ACSBG2: variants seen among roughly 807,000 people sequenced by gnomAD.
ACSBG2 encodes the protein long-chain-fatty-acid--CoA ligase ACSBG2.
A neutral mutation model predicts 74.7 loss-of-function variants in ACSBG2; 62 were observed. The observed-to-expected ratio is 0.83, with a 90% CI of 0.68 to 1.03. ACSBG2 has a LOEUF of 1.03. Among genes scored for constraint, ACSBG2 ranks in the 50% least tolerant of loss-of-function variants. The pLI is 0.00. For missense variants in ACSBG2, 730 were observed against 817.6 expected, an observed-to-expected ratio of 0.89 and a Z score of 1.31; for synonymous variants, 309 against 294.1, an observed-to-expected ratio of 1.05 and a Z score of -0.52.
chr19:6,190,226 G>A, intron 13 of ACSBG2: 1 of 211,528 alleles, frequency 4.7e-6, no homozygotes, highest in Non-Finnish European at 9.8e-6. Context: ...GCACTTGCTG[G>A]CTGACCTCAG....
intron 9 of ACSBG2, 53 bp downstream of exon 9, chr19:6,182,985 T>C: frequency 6.2e-7 from 1 of 1,612,736 alleles, no homozygotes. Flanking sequence ...AGGCTCAGCC[T>C]TCTCCAGTGG....
intron 2 of ACSBG2, 32 bp downstream of exon 2, chr19:6,141,642 G>A: frequency 7.4e-7 from 1 of 1,348,460 alleles, no homozygotes; most frequent in Non-Finnish European, 1.1e-6. Context: ...GTGGGAGAGA[G>A]AGTGGCACAT....
intron 6 of ACSBG2, among the ~76,000 whole-genome samples, chr19:6,162,697 ACCT>A (rs2089667303): frequency 6.6e-6 from 1 of 151,986 alleles, no homozygotes; most frequent in Non-Finnish European, 1.5e-5. Flanking sequence ...GGGTTTCTCA[ACCT>A]CCTTGCTGTT....
At chr19:6,136,887 A>G (rs2088591913) in intron 1 of ACSBG2, among the ~76,000 whole-genome samples, 1 of 151,844 alleles carries the variant, frequency 6.6e-6, no homozygotes, top group South Asian at 2.1e-4. Flanking sequence ...GAGCCTCCGC[A>G]CCCGGCCGAT....
At chr19:6,151,148 G>T (rs1600032331) in intron 3 of ACSBG2, among the ~76,000 whole-genome samples, 2 of 150,888 alleles carry the variant, frequency 1.3e-5, no homozygotes, top group East Asian at 1.9e-4. Flanking sequence ...TAAAATCCAT[G>T]TTATAGATAT....
chr19:6,164,945 T>C (rs2089748008), intron 6 of ACSBG2, among the ~76,000 whole-genome samples: 1 of 152,252 alleles, frequency 6.6e-6, no homozygotes, highest in Non-Finnish European at 1.5e-5. Context: ...TTAAGTAATC[T>C]GCCTTGGGCA....
intron 4 of ACSBG2, 78 bp downstream of exon 4, chr19:6,151,873 G>A: frequency 1.5e-6 from 2 of 1,374,264 alleles, no homozygotes; most frequent in Non-Finnish European, 2.0e-6. Context: ...CTTGTCCAGT[G>A]TGAGATGCAA....
At chr19:6,150,789 G>A (rs933687469) in intron 3 of ACSBG2, among the ~76,000 whole-genome samples, 6 of 152,074 alleles carry the variant, frequency 3.9e-5, no homozygotes, top group Admixed American at 3.3e-4. Context: ...ACAACCATGT[G>A]GATGTGTTTA....
intron 8 of ACSBG2, 114 bp from the exon 9 acceptor site, chr19:6,182,637 A>G (rs1390799801): frequency 9.7e-7 from 1 of 1,029,790 alleles, no homozygotes; most frequent in Non-Finnish European, 1.4e-6. Context: ...AGTCCTGCGT[A>G]ATCTGATCAG....
intron 1 of ACSBG2, chr19:6,137,400 G>A (rs2088622147): frequency 6.6e-6 from 1 of 152,516 alleles, no homozygotes. Flanking sequence ...AAGGCCCCAA[G>A]GAAGGACTGC....
At chr19:6,156,620 T>C in intron 5 of ACSBG2, 69 bp downstream of exon 5, 3 of 1,412,880 alleles carry the variant, frequency 2.1e-6, no homozygotes, top group Non-Finnish European at 2.8e-6. Flanking sequence ...GCAGGTGTTC[T>C]TTTTTTCCCA....
At chr19:6,177,427 C>A in intron 8 of ACSBG2, 31 bp downstream of exon 8, 4 of 1,543,594 alleles carry the variant, frequency 2.6e-6, no homozygotes, top group Non-Finnish European at 3.5e-6. Context: ...GGGGCTCCGA[C>A]TTCATCCTCT....
At chr19:6,161,767 C>T (rs2089630654) in intron 6 of ACSBG2, among the ~76,000 whole-genome samples, 1 of 151,976 alleles carries the variant, frequency 6.6e-6, no homozygotes, top group African/African-American at 2.4e-5. Flanking sequence ...TAGGCGGGAC[C>T]TTTGGGACGC....
intron 14 of ACSBG2, chr19:6,191,377 G>A (rs765221538): frequency 6.6e-6 from 1 of 151,992 alleles, no homozygotes; most frequent in Admixed American, 6.6e-5. Flanking sequence ...GTTTTAGTTT[G>A]CTGGGGCTAC....
Position 6,141,564 on chromosome 19 carries a change from T to C in ACSBG2, c.21T>C (p.Thr7=). Residue 7 remains threonine (T), a synonymous_variant, in exon 2 of 15, where the codon ACT becomes ACC. Transcript: ENST00000588485. ...CTGGAATGACTGGAACCCCAAAGAC[T>C]CAAGAAGGAGCTAAAGATCTTGAAG... MTGTPK[T]QEGAKDLEVD... is the part of the protein sequence containing the mutation. 6.2e-7 allele frequency: 1 copy of C among 1,612,308 alleles called. No individual in the cohort carries two copies. Among genetic ancestry groups the C allele is most frequent in the Non-Finnish European group, 8.5e-7 (1 of 1,178,450 alleles).
chr19:6,160,129 G>A (rs2089555883), intron 5 of ACSBG2, among the ~76,000 whole-genome samples: 1 of 152,134 alleles, frequency 6.6e-6, no homozygotes, highest in African/African-American at 2.4e-5. Flanking sequence ...GGTGGCTCAT[G>A]CCTGTAATCC....
chr19:6,174,458 C>T lies in ACSBG2; in HGVS notation c.739-2771C>T, dbSNP rs546038490. On this transcript the variant is annotated intron_variant, in intron 7 of 14. Transcript: ENST00000588485. This position sits in a 1 kb window ranked among gnomAD's most constrained non-coding sequence, Gnocchi z 4.2. ...AGCTCTGTTTAATCTACCACATATA[C>T]ATAAAATGCTTAGAACAATGCCTGG... Among the ~76,000 whole-genome samples, 5 of 152,172 alleles carry T rather than the reference C, an allele frequency of 3.3e-5. No individual in the cohort carries two copies. Among genetic ancestry groups the T allele is most frequent in the Non-Finnish European group, 7.3e-5 (5 of 68,030 alleles).
chr19:6,151,906 C>G (rs1052612478), intron 4 of ACSBG2, 111 bp downstream of exon 4: 2 of 946,952 alleles, frequency 2.1e-6, no homozygotes, highest in African/African-American at 3.3e-5. Flanking sequence ...GATGAACGCC[C>G]TAGTTAGCAG....
At chr19:6,150,819 T>C (rs756451088) in intron 3 of ACSBG2, among the ~76,000 whole-genome samples, 15 of 152,070 alleles carry the variant, frequency 9.9e-5, no homozygotes, top group Non-Finnish European at 1.5e-4. Context: ...AACTACACTC[T>C]TAAAAATGGT....
Sources: allele counts gnomAD v4.1 joint callset (sites outside exome capture counted in the v4.1 genomes callset), GRCh38; gene constraint gnomAD v4.1.1; non-coding constraint Gnocchi (gnomAD v3.1); transcripts MANE v1.5; gene names NCBI Gene and HGNC (gene_info 2026-07-23, HGNC 2026-07-21).